TIAM1: variants seen among roughly 807,000 people sequenced by gnomAD.
TIAM1 encodes the protein rho guanine nucleotide exchange factor TIAM1.
A neutral mutation model predicts 163.5 loss-of-function variants in TIAM1; 65 were observed. The observed-to-expected ratio is 0.40, with a 90% CI of 0.33 to 0.49. The LOEUF (loss-of-function observed/expected upper bound fraction) is 0.49, where lower values mean the gene tolerates loss of function less well. Among genes scored for constraint, TIAM1 ranks in the 20% least tolerant of loss-of-function variants. The pLI is 0.77. For missense variants in TIAM1, 1,789 were observed against 2,044.7 expected, an observed-to-expected ratio of 0.87 and a Z score of 2.41; for synonymous variants, 833 against 810.1, an observed-to-expected ratio of 1.03 and a Z score of -0.48.
chr21:31,253,102 A>G (rs1048913359), intron 4 of TIAM1, among the ~76,000 whole-genome samples: 1 of 152,246 alleles, frequency 6.6e-6, no homozygotes, highest in African/African-American at 2.4e-5. Context: ...TAATTGCTCT[A>G]AAGAGCTACA....
intron 4 of TIAM1, among the ~76,000 whole-genome samples, chr21:31,256,267 T>C (rs533455844): frequency 6.6e-6 from 1 of 152,238 alleles, no homozygotes; most frequent in African/African-American, 2.4e-5. Context: ...ATTTTGAAAA[T>C]GCAATTAGCC....
intron 1 of TIAM1, among the ~76,000 whole-genome samples, chr21:31,555,561 C>T (rs2048847138): frequency 6.6e-6 from 1 of 152,028 alleles, no homozygotes; most frequent in Non-Finnish European, 1.5e-5. Flanking sequence ...GAATCTGTAA[C>T]CTGGCCCAGA....
intron 1 of TIAM1, among the ~76,000 whole-genome samples, chr21:31,473,600 T>C (rs1344336925): frequency 6.6e-6 from 1 of 151,820 alleles, no homozygotes; most frequent in Non-Finnish European, 1.5e-5. Flanking sequence ...ACAGCTGGCC[T>C]CCCGTCAGTC....
intron 23 of TIAM1, among the ~76,000 whole-genome samples, chr21:31,134,441 C>T (rs1398192803): frequency 6.6e-6 from 1 of 152,134 alleles, no homozygotes; most frequent in Non-Finnish European, 1.5e-5. Context: ...AAACTAACAA[C>T]TTGTTAAAAT....
At chr21:31,142,929 T>C (rs2082923075) in intron 20 of TIAM1, among the ~76,000 whole-genome samples, 1 of 152,068 alleles carries the variant, frequency 6.6e-6, no homozygotes. Context: ...CAGGGGATGA[T>C]ACGAAGCCGT....
At chr21:31,305,420 AAT>A (rs1491242819) in intron 2 of TIAM1, among the ~76,000 whole-genome samples, 47 of 129,318 alleles carry the variant, frequency 3.6e-4, no homozygotes, top group African/African-American at 1.3e-3. Flanking sequence ...CTGAAATAAA[AAT>A]AAAAAAAAAA....
chr21:31,126,466 C>T (rs1240102736), intron 26 of TIAM1, among the ~76,000 whole-genome samples: 3 of 152,016 alleles, frequency 2.0e-5, no homozygotes, highest in African/African-American at 7.2e-5. Context: ...ACTCGGGAGG[C>T]TGAGGCAGCA....
intron 20 of TIAM1, among the ~76,000 whole-genome samples, chr21:31,142,405 G>A (rs1388661329): frequency 3.4e-5 from 5 of 147,670 alleles, no homozygotes; most frequent in Non-Finnish European, 7.4e-5. Context: ...ATCACTTGAG[G>A]TCAGGAGTTT....
At chr21:31,468,416 G>A (rs2045609735) in intron 1 of TIAM1, among the ~76,000 whole-genome samples, 1 of 151,828 alleles carries the variant, frequency 6.6e-6, no homozygotes, top group South Asian at 2.1e-4. Flanking sequence ...CCGCAAGGTG[G>A]AGGTTTCAGT....
chr21:31,171,061 A>C (rs1220865881), intron 15 of TIAM1, among the ~76,000 whole-genome samples: 1 of 150,614 alleles, frequency 6.6e-6, no homozygotes, highest in East Asian at 1.9e-4. Context: ...AAAAAAAAAA[A>C]ATTGGGGGCC....
At chr21:31,175,542 A>C (rs1433244433) in intron 15 of TIAM1, among the ~76,000 whole-genome samples, 1 of 152,212 alleles carries the variant, frequency 6.6e-6, no homozygotes, top group Non-Finnish European at 1.5e-5. Flanking sequence ...TTGATGTAAA[A>C]AGGAAAAACA....
chr21:31,134,801 A>G (rs754027717), intron 23 of TIAM1, among the ~76,000 whole-genome samples: 2 of 152,094 alleles, frequency 1.3e-5, no homozygotes, highest in Non-Finnish European at 1.5e-5. Flanking sequence ...GTGAGCCACC[A>G]CACCTGGCCT....
chr21:31,506,779 A>C (rs1190065740), intron 1 of TIAM1, among the ~76,000 whole-genome samples: 1 of 152,196 alleles, frequency 6.6e-6, no homozygotes, highest in African/African-American at 2.4e-5. Flanking sequence ...TTAGCCAGGC[A>C]TGGTGGCGCA....
chr21:31,276,118 T>A (rs1460302694), intron 3 of TIAM1, among the ~76,000 whole-genome samples: 1 of 151,840 alleles, frequency 6.6e-6, no homozygotes, highest in Non-Finnish European at 1.5e-5. Context: ...GTTTTTTCCC[T>A]ACTGGAGGCT....
At chr21:31,365,387 CTT>C (rs772457613) in intron 2 of TIAM1, among the ~76,000 whole-genome samples, 13 of 128,770 alleles carry the variant, frequency 1.0e-4, no homozygotes, top group Admixed American at 8.2e-5. Flanking sequence ...TTATTTCTTT[CTT>C]TTTTTTTTTT....
At chr21:31,325,385 G>A (rs2075452062) in intron 2 of TIAM1, among the ~76,000 whole-genome samples, 1 of 150,450 alleles carries the variant, frequency 6.6e-6, no homozygotes, top group Non-Finnish European at 1.5e-5. Flanking sequence ...TACTCAGAAG[G>A]GGCCAGGTGC....
chr21:31,531,247 C>G (rs542694236), intron 1 of TIAM1, among the ~76,000 whole-genome samples: 1 of 152,292 alleles, frequency 6.6e-6, no homozygotes, highest in African/African-American at 2.4e-5. Flanking sequence ...CCACCCTGGG[C>G]CTCTGTCCAA....
chr21:31,445,274 A>G (rs2044582035), intron 2 of TIAM1, among the ~76,000 whole-genome samples: 1 of 152,186 alleles, frequency 6.6e-6, no homozygotes, highest in Non-Finnish European at 1.5e-5. Context: ...ATCTAGGCTC[A>G]TTGTATTACT....
chr21:31,534,531 T>G (rs1185441779), intron 1 of TIAM1, among the ~76,000 whole-genome samples: 1 of 152,036 alleles, frequency 6.6e-6, no homozygotes, highest in Non-Finnish European at 1.5e-5. Flanking sequence ...AAAAATTAGC[T>G]GGGCATGGTG....
Sources: gnomAD v4.1 joint callset for allele counts (sites outside exome capture counted in the v4.1 genomes callset) on GRCh38, gnomAD v4.1.1 for gene constraint, MANE v1.5 for transcripts, NCBI Gene and HGNC (gene_info 2026-07-23, HGNC 2026-07-21) for gene names.